FAF1: variants seen among roughly 807,000 people sequenced by gnomAD.
FAF1 encodes the protein FAS-associated factor 1.
FAF1 carries 25 observed loss-of-function variants against 92.5 expected under a neutral mutation model. The observed-to-expected ratio is 0.27, with a 90% CI of 0.20 to 0.38. The LOEUF is 0.38. FAF1 is among the 10% of genes least tolerant of loss of function. FAF1 has a pLI of 1.00. For missense variants in FAF1, 636 were observed against 793.3 expected (o/e 0.80, Z 2.38); for synonymous variants, 234 against 273.2 (o/e 0.86, Z 1.42).
chr1:50,690,861 T>C (rs189407228), intron 7 of FAF1, among the ~76,000 whole-genome samples: 245 of 152,370 alleles, frequency 1.6e-3, no homozygotes, highest in Non-Finnish European at 1.3e-3. Context: ...TTAGTTTCTT[T>C]CATTTAGCAT....
At chr1:50,719,525 A>G (rs1244211079) in intron 6 of FAF1, among the ~76,000 whole-genome samples, 2 of 152,224 alleles carry the variant, frequency 1.3e-5, no homozygotes, top group African/African-American at 2.4e-5. Context: ...GTCTATAATT[A>G]CTGTTTAATC....
chr1:50,771,733 T>C (rs946668434), intron 4 of FAF1, among the ~76,000 whole-genome samples: 5 of 152,228 alleles, frequency 3.3e-5, no homozygotes, highest in African/African-American at 1.2e-4. Context: ...AAACCCCTTC[T>C]CTAGTAAAAA....
intron 7 of FAF1, among the ~76,000 whole-genome samples, chr1:50,680,388 C>T (rs753534980): frequency 1.3e-5 from 2 of 151,974 alleles, no homozygotes; most frequent in Non-Finnish European, 2.9e-5. Flanking sequence ...TAAGAAAACA[C>T]TTAGAAAATC....
chr1:50,567,192 C>T lies in FAF1; in HGVS notation c.1153G>A (p.Val385Met), dbSNP rs1557998112. ...LAIYLHHDES[V>M]LTNVFCSQML... ...TGTGAGCAGAACACGTTGGTTAACA[C>T]ACTTTCATCATGGTGGAGGTAGATA... The change falls in exon 13 of 19, where the codon GTG (valine) becomes ATG (methionine). Residue 385 changes from valine (V) to methionine (M), a missense_variant. By Grantham distance (21) the Val-to-Met change is conservative. This residue lies in a region of FAF1 where 319 missense variants were observed against 451.0 expected (regional missense o/e 0.71). Coordinates refer to ENST00000396153, the MANE Select transcript of FAF1 (RefSeq NM_007051.3). 2 of 1,609,784 alleles carry T rather than the reference C, an allele frequency of 1.2e-6. No individual in the cohort carries two copies. The highest frequency in any genetic ancestry group is 1.7e-6 in the Non-Finnish European group (2 of 1,177,302).
chr1:50,716,718 C>A (rs1046007715), intron 6 of FAF1, among the ~76,000 whole-genome samples: 1 of 152,172 alleles, frequency 6.6e-6, no homozygotes, highest in Non-Finnish European at 1.5e-5. Context: ...CGTAAAAACA[C>A]GCCAATCAGT....
intron 15 of FAF1, among the ~76,000 whole-genome samples, chr1:50,496,129 A>AATTC (rs1646895290): frequency 6.6e-6 from 1 of 152,224 alleles, no homozygotes; most frequent in Non-Finnish European, 1.5e-5. Flanking sequence ...CTAAAAGACT[A>AATTC]ATTCAAAATT....
In FAF1 at chr1:50,583,542, T is replaced by C. The variant is rs1651084291; in HGVS notation, c.1031+110A>G. The C allele has an allele frequency of 1.7e-6, 1 of 605,430 alleles. No individual in the cohort carries two copies. Among genetic ancestry groups the C allele is most frequent in the Non-Finnish European group, 2.8e-6 (1 of 361,008 alleles). The allele number at this position is 605,430 out of a possible 1,614,324, so 37.5% of individuals were successfully genotyped here. On this transcript the variant is annotated intron_variant, in intron 11 of 18. Coordinates refer to ENST00000396153, the MANE Select transcript of FAF1 (RefSeq NM_007051.3). The surrounding 1 kb of genome is among the most constrained non-coding windows in gnomAD (Gnocchi z 4.2). Reference sequence around the variant, plus strand: ...CTATATAAATTAACAAGTATATCCTTTGAATACTTTAAGGAGAAACTTTAA... The same window carrying C: ...CTATATAAATTAACAAGTATATCCTCTGAATACTTTAAGGAGAAACTTTAA...
intron 6 of FAF1, among the ~76,000 whole-genome samples, chr1:50,721,764 C>T (rs1197560352): frequency 6.6e-6 from 1 of 152,146 alleles, no homozygotes; most frequent in Non-Finnish European, 1.5e-5. Context: ...GCTAGGACTA[C>T]AGGCACGTGC....
chr1:50,588,118 C>T (rs894784419), intron 9 of FAF1, among the ~76,000 whole-genome samples: 11 of 152,114 alleles, frequency 7.2e-5, no homozygotes, highest in Non-Finnish European at 5.9e-5. Context: ...GAAACCCCAT[C>T]TCCACTAAAA....
chr1:50,714,338 A>C (rs370960423), intron 6 of FAF1, among the ~76,000 whole-genome samples: 1 of 149,130 alleles, frequency 6.7e-6, no homozygotes, highest in Non-Finnish European at 1.5e-5. Context: ...TCGTGTCTCT[A>C]CTAAAAATTA....
chr1:50,814,347 T>C (rs778898200), intron 2 of FAF1, among the ~76,000 whole-genome samples: 6 of 152,164 alleles, frequency 3.9e-5, no homozygotes, highest in Non-Finnish European at 8.8e-5. Context: ...GGCATCATAT[T>C]ACTAATATTA....
chr1:50,595,201 T>C (rs1488906789), intron 9 of FAF1, among the ~76,000 whole-genome samples: 1 of 151,996 alleles, frequency 6.6e-6, no homozygotes, highest in Non-Finnish European at 1.5e-5. Flanking sequence ...ATTAAAGGAA[T>C]GCGCCACCAC....
intron 12 of FAF1, among the ~76,000 whole-genome samples, chr1:50,576,798 G>A (rs1650764359): frequency 6.6e-6 from 1 of 151,458 alleles, no homozygotes. Context: ...ACATGCCACC[G>A]CACCTGACTA....
At chr1:50,678,956 A>G (rs1307677602) in intron 7 of FAF1, among the ~76,000 whole-genome samples, 2 of 151,684 alleles carry the variant, frequency 1.3e-5, no homozygotes, top group Non-Finnish European at 2.9e-5. Context: ...GCGTGGTGGC[A>G]GGCGCCTGTA....
chr1:50,458,271 T>C (rs72690464), intron 18 of FAF1, among the ~76,000 whole-genome samples: 1 of 152,142 alleles, frequency 6.6e-6, no homozygotes. Flanking sequence ...TAAACAGTAA[T>C]AGTCACTCCA....
chr1:50,921,536 CA>C (rs1238260639), intron 1 of FAF1, among the ~76,000 whole-genome samples: 1 of 151,758 alleles, frequency 6.6e-6, no homozygotes, highest in East Asian at 2.0e-4. Flanking sequence ...TCAACAAGCG[CA>C]GATCATTTGA....
chr1:50,583,550 T>G lies in FAF1; in HGVS notation c.1031+102A>C. On this transcript the variant is annotated intron_variant, in intron 11 of 18. Coordinates refer to ENST00000396153, the MANE Select transcript of FAF1 (RefSeq NM_007051.3). The surrounding 1 kb of genome is among the most constrained non-coding windows in gnomAD (Gnocchi z 4.2). ...ATTAACAAGTATATCCTTTGAATAC[T>G]TTAAGGAGAAACTTTAAACAATCTA... The G allele has an allele frequency of 1.5e-6, 1 of 676,908 alleles. No individual in the cohort carries two copies. The highest frequency in any genetic ancestry group is 2.4e-6 in the Non-Finnish European group (1 of 411,458). 41.9% of individuals were successfully genotyped at this position (676,908 alleles called of 1,614,324 possible).
chr1:50,778,827 C>T (rs1007341241), intron 4 of FAF1, among the ~76,000 whole-genome samples: 23 of 151,026 alleles, frequency 1.5e-4, no homozygotes, highest in African/African-American at 5.7e-4. Flanking sequence ...CTTAAAAAAA[C>T]AAAACACACA....
intron 1 of FAF1, among the ~76,000 whole-genome samples, chr1:50,945,169 G>A (rs993369467): frequency 3.3e-5 from 5 of 152,136 alleles, no homozygotes; most frequent in East Asian, 1.9e-4. Flanking sequence ...TGGCTTGTAC[G>A]ATAAAAGGTG....
Sources: gnomAD v4.1 joint callset for allele counts (sites outside exome capture counted in the v4.1 genomes callset) on GRCh38, gnomAD v4.1.1 for gene constraint, gnomAD v4.1.1 regional missense constraint, Gnocchi (gnomAD v3.1) non-coding constraint, MANE v1.5 for transcripts, NCBI Gene and HGNC (gene_info 2026-07-23, HGNC 2026-07-21) for gene names.